The following RNF220 variants were observed in gnomAD, a reference collection of about 807,000 sequenced individuals.
The protein encoded by RNF220 is ring finger protein 220, also known as E3 ubiquitin-protein ligase RNF220.
RNF220 carries 7 observed loss-of-function variants against 67.1 expected under a neutral mutation model. The observed-to-expected ratio is 0.10, with a 90% CI of 0.06 to 0.20. The LOEUF is 0.20. RNF220 is among the 10% of genes least tolerant of loss of function. The probability of loss-of-function intolerance (pLI) is 1.00; values close to 1 mark genes in which losing one functional copy is unlikely to be tolerated. For synonymous variants in RNF220, 270 were observed against 283.2 expected, an observed-to-expected ratio of 0.95 and a Z score of 0.47; for missense variants, 565 against 740.3, an observed-to-expected ratio of 0.76 and a Z score of 2.75.
chr1:44,460,176 A>G (rs1653624652), intron 2 of RNF220, among the ~76,000 whole-genome samples: 1 of 152,164 alleles, frequency 6.6e-6, no homozygotes, highest in South Asian at 2.1e-4. Context: ...CTTTCAGGTC[A>G]TTGGTTGAGG....
intron 2 of RNF220, among the ~76,000 whole-genome samples, chr1:44,524,423 A>G (rs1660197804): frequency 6.6e-6 from 1 of 151,984 alleles, no homozygotes. Context: ...AGGCTTGGCC[A>G]ACCCCTTCCT....
At chr1:44,427,543 C>A (rs1572465358) in intron 2 of RNF220, among the ~76,000 whole-genome samples, 1 of 152,308 alleles carries the variant, frequency 6.6e-6, no homozygotes, top group South Asian at 2.1e-4. Flanking sequence ...TTGCCTGGAA[C>A]TTACTAGTTA....
chr1:44,589,430 T>C lies in RNF220; in HGVS notation c.626-24735T>C, dbSNP rs560495527. On this transcript the variant is annotated intron_variant, in intron 2 of 14. Coordinates refer to ENST00000361799, the MANE Select transcript of RNF220 (RefSeq NM_018150.4). ...GAGATCGAGACCATCCTGGCTAACATGGTGAAACCCCGTCTCTACTAAAAA... is the reference window on the plus strand; with the variant it reads ...GAGATCGAGACCATCCTGGCTAACACGGTGAAACCCCGTCTCTACTAAAAA... Among the ~76,000 whole-genome samples the C allele has an allele frequency of 7.6e-4, 115 of 152,110 alleles. 1 individual carries two copies. The highest frequency in any genetic ancestry group is 2.5e-3 in the African/African-American group (103 of 41,484).
chr1:44,590,143 G>A (rs150653686), intron 2 of RNF220, among the ~76,000 whole-genome samples: 5 of 152,288 alleles, frequency 3.3e-5, no homozygotes, highest in African/African-American at 9.6e-5. Context: ...GATGATCCCT[G>A]AGCCAAGGAG....
intron 2 of RNF220, among the ~76,000 whole-genome samples, chr1:44,589,026 C>G (rs1180259396): frequency 4.6e-5 from 7 of 152,236 alleles, no homozygotes; most frequent in Admixed American, 1.3e-4. Flanking sequence ...GAGGGGCCCC[C>G]TGGCTCCAGG....
chr1:44,527,127 C>T (rs1244262879), intron 2 of RNF220, among the ~76,000 whole-genome samples: 1 of 152,078 alleles, frequency 6.6e-6, no homozygotes, highest in Non-Finnish European at 1.5e-5. Context: ...CAACTTCAGC[C>T]TCAACCTCTC....
intron 2 of RNF220, among the ~76,000 whole-genome samples, chr1:44,423,583 A>G (rs192496922): frequency 2.2e-3 from 333 of 152,254 alleles, no homozygotes; most frequent in Non-Finnish European, 3.9e-3. Flanking sequence ...CACAGAGTAG[A>G]TACTCTGGAA....
intron 2 of RNF220, among the ~76,000 whole-genome samples, chr1:44,608,963 T>A (rs191401284): frequency 2.0e-5 from 3 of 152,336 alleles, no homozygotes. Flanking sequence ...AGCCCTGATT[T>A]CACTGGATCT....
At chr1:44,486,664 G>A (rs1008604427) in intron 2 of RNF220, among the ~76,000 whole-genome samples, 2 of 152,160 alleles carry the variant, frequency 1.3e-5, no homozygotes, top group African/African-American at 4.8e-5. Context: ...GCTGTTCCAT[G>A]ACACGTCCAT....
intron 2 of RNF220, among the ~76,000 whole-genome samples, chr1:44,570,935 A>C (rs1422980625): frequency 2.0e-5 from 3 of 152,090 alleles, no homozygotes; most frequent in African/African-American, 7.2e-5. Context: ...TTAGCTGGGC[A>C]TGGTGGTGCG....
intron 8 of RNF220, among the ~76,000 whole-genome samples, chr1:44,637,744 T>A (rs1644370078): frequency 6.6e-6 from 1 of 152,124 alleles, no homozygotes; most frequent in African/African-American, 2.4e-5. Flanking sequence ...TTTCCCTGAG[T>A]GTTTACACTG....
intron 2 of RNF220, among the ~76,000 whole-genome samples, chr1:44,452,044 T>C (rs1652742045): frequency 6.6e-6 from 1 of 152,254 alleles, no homozygotes; most frequent in South Asian, 2.1e-4. Flanking sequence ...TGATAGTATG[T>C]AGTGTGAATT....
rs138760506 is a variant in RNF220 at position 44,600,441 on chromosome 1, C to G, written c.626-13724C>G. ...CATGGGGCTGTGGTATTACATAAGT[C>G]CCACACAGCCACTTACCTCGTAACC... On this transcript the variant is annotated intron_variant, in intron 2 of 14. Transcript: ENST00000361799. The surrounding 1 kb of genome is among the most constrained non-coding windows in gnomAD (Gnocchi z 4.0). Among the ~76,000 whole-genome samples, 3 of 152,296 alleles carry G rather than the reference C, an allele frequency of 2.0e-5. No homozygotes were observed. The highest frequency in any genetic ancestry group is 7.2e-5 in the African/African-American group (3 of 41,558).
intron 2 of RNF220, among the ~76,000 whole-genome samples, chr1:44,500,158 G>T (rs1308440447): frequency 6.6e-6 from 1 of 152,236 alleles, no homozygotes; most frequent in African/African-American, 2.4e-5. Flanking sequence ...TTCAAAGTAA[G>T]ATCCAAACCT....
rs575187249 is a variant in RNF220, at chr1:44,630,981, C to G, written c.907-1362C>G. Among the ~76,000 whole-genome samples the G allele has an allele frequency of 5.3e-5, 8 of 152,304 alleles. No homozygotes were observed. In the East Asian group the frequency reaches 1.5e-3, roughly 29 times the overall value. Reference sequence around the variant, plus strand: ...GGAGGATGGGTTGCAGAGAGAGAAGCTAGAGACCAAAAGATGAGACGGGAA... The same window carrying G: ...GGAGGATGGGTTGCAGAGAGAGAAGGTAGAGACCAAAAGATGAGACGGGAA... On this transcript the variant is annotated intron_variant, in intron 5 of 14. Coordinates refer to ENST00000361799, the MANE Select transcript of RNF220 (RefSeq NM_018150.4).
intron 2 of RNF220, among the ~76,000 whole-genome samples, chr1:44,501,056 G>A (rs926524656): frequency 6.6e-6 from 1 of 151,594 alleles, no homozygotes; most frequent in African/African-American, 2.4e-5. Context: ...GTGGGGGTGG[G>A]GGTGGGGGTG....
intron 2 of RNF220, among the ~76,000 whole-genome samples, chr1:44,577,861 G>C (rs1572932793): frequency 6.8e-6 from 1 of 146,442 alleles, no homozygotes; most frequent in African/African-American, 2.5e-5. Context: ...TTTTGAGAAA[G>C]GGTCTCACCC....
chr1:44,524,270 GCCAGATAATT>G (rs1660180936), intron 2 of RNF220, among the ~76,000 whole-genome samples: 1 of 152,120 alleles, frequency 6.6e-6, no homozygotes, highest in Admixed American at 6.5e-5. Flanking sequence ...GCCTCTGCTG[GCCAGATAATT>G]AGTCCATTAC....
At chr1:44,584,567 A>T (rs1045769332) in intron 2 of RNF220, among the ~76,000 whole-genome samples, 1 of 151,916 alleles carries the variant, frequency 6.6e-6, no homozygotes, top group African/African-American at 2.4e-5. Flanking sequence ...TGGTGGGGAA[A>T]CCCTAGCTGG....
Sources: allele counts gnomAD v4.1 joint callset (sites outside exome capture counted in the v4.1 genomes callset), GRCh38; gene constraint gnomAD v4.1.1; non-coding constraint Gnocchi (gnomAD v3.1); transcripts MANE v1.5; gene names NCBI Gene and HGNC (gene_info 2026-07-23, HGNC 2026-07-21).